Variants in PCDHAC2 observed in about 807,000 individuals in gnomAD.
PCDHAC2 encodes the protein protocadherin alpha-C2.
PCDHAC2 carries 24 observed loss-of-function variants against 63.3 expected under a neutral mutation model. That is an observed-to-expected ratio of 0.38 (90% CI 0.27 to 0.53). The LOEUF is 0.53. Ranked by LOEUF, PCDHAC2 falls within the 20% of genes least tolerant of loss-of-function variation. PCDHAC2 has a pLI of 0.81. For missense variants in PCDHAC2, 1,181 were observed against 1,275.2 expected, an observed-to-expected ratio of 0.93 and a Z score of 1.12; for synonymous variants, 569 against 529.4, an observed-to-expected ratio of 1.07 and a Z score of -1.03.
chr5:140,967,700 G>A lies in PCDHAC2; in HGVS notation c.934G>A (p.Ala312Thr). ...GGAGAGGCAGCTCTTCAGCATAGAT[G>A]CCAGTACCGGGGAAGTGCGAGTAAT... ...DRERQLFSIDASTGEVRVIGG... is the reference protein window; with the variant it reads ...DRERQLFSIDTSTGEVRVIGG... Residue 312 changes from alanine to threonine, a missense_variant, in exon 1 of 4, where the codon GCC becomes ACC. Ala to Thr is a moderately conservative substitution (Grantham distance 58). Around this residue, in one of 3 missense-constraint regions of PCDHAC2, gnomAD observed 968 missense variants for 1,073.5 expected, o/e 0.90. Transcript: ENST00000289269. 4 of 1,614,196 alleles carry A rather than the reference G, an allele frequency of 2.5e-6. No homozygotes were observed. In the South Asian group the frequency reaches 4.4e-5, roughly 18 times the overall value.
At chr5:141,007,977 T>A (rs564286183) in intron 3 of PCDHAC2, among the ~76,000 whole-genome samples, 20 of 152,362 alleles carry the variant, frequency 1.3e-4, no homozygotes, top group African/African-American at 4.8e-4. Flanking sequence ...GTCTGTCATG[T>A]ATATATGAAA....
chr5:140,977,324 C>T (rs1035502087), intron 1 of PCDHAC2, among the ~76,000 whole-genome samples: 5 of 152,102 alleles, frequency 3.3e-5, no homozygotes, highest in Non-Finnish European at 4.4e-5. Context: ...CTCCTGATGG[C>T]GAGGGGAGAG....
At chr5:140,990,341 C>A (rs2097389083) in intron 3 of PCDHAC2, among the ~76,000 whole-genome samples, 1 of 152,110 alleles carries the variant, frequency 6.6e-6, no homozygotes, top group South Asian at 2.1e-4. Flanking sequence ...ATAAGTAAAG[C>A]CTGCCCTGTA....
intron 3 of PCDHAC2, among the ~76,000 whole-genome samples, chr5:140,994,564 G>A (rs1554254259): frequency 6.6e-6 from 1 of 152,070 alleles, no homozygotes; most frequent in Non-Finnish European, 1.5e-5. Flanking sequence ...AATTAGCCGG[G>A]TGTGGTGGCA....
chr5:140,981,924 C>T (rs2096957761), intron 2 of PCDHAC2, among the ~76,000 whole-genome samples: 1 of 151,968 alleles, frequency 6.6e-6, no homozygotes, highest in African/African-American at 2.4e-5. Flanking sequence ...TCAAGTTTCT[C>T]TAGTCTCAGG....
intron 3 of PCDHAC2, among the ~76,000 whole-genome samples, chr5:141,000,387 CTCTCTCTCTATA>C (rs1217065500): frequency 3.9e-4 from 26 of 66,870 alleles, no homozygotes; most frequent in African/African-American, 1.1e-3. Context: ...CTCTCTCTCT[CTCTCTCTCTATA>C]TATATATATA....
intron 1 of PCDHAC2, 111 bp downstream of exon 1, chr5:140,969,442 T>C (rs1554231813): frequency 1.3e-6 from 2 of 1,543,712 alleles, no homozygotes; most frequent in Admixed American, 4.0e-5. Flanking sequence ...AGTTATCTGG[T>C]AAACTGAGTA....
intron 3 of PCDHAC2, among the ~76,000 whole-genome samples, chr5:140,997,851 C>T (rs1400770612): frequency 6.6e-6 from 1 of 152,122 alleles, no homozygotes. Flanking sequence ...CATTCTTATA[C>T]ATATTTCTTA....
chr5:140,972,218 C>A (rs367920234), intron 1 of PCDHAC2, among the ~76,000 whole-genome samples: 129 of 152,040 alleles, frequency 8.5e-4, no homozygotes, highest in Middle Eastern at 3.4e-3. Flanking sequence ...TGGCTCACTG[C>A]AGCCTCGACC....
chr5:140,989,253 G>C (rs886150768), intron 3 of PCDHAC2, among the ~76,000 whole-genome samples: 1 of 152,194 alleles, frequency 6.6e-6, no homozygotes, highest in Non-Finnish European at 1.5e-5. Flanking sequence ...CTTGTCAAAA[G>C]GGAGATTCAA....
intron 1 of PCDHAC2, among the ~76,000 whole-genome samples, chr5:140,977,356 T>C (rs1563455891): frequency 6.6e-6 from 1 of 152,250 alleles, no homozygotes; most frequent in African/African-American, 2.4e-5. Flanking sequence ...GACTGATTGA[T>C]AAAAAGTATT....
chr5:140,994,667 T>G (rs2097644091), intron 3 of PCDHAC2, among the ~76,000 whole-genome samples: 1 of 152,140 alleles, frequency 6.6e-6, no homozygotes, highest in Non-Finnish European at 1.5e-5. Flanking sequence ...ATCACACTAC[T>G]GCACTCCAGC....
In PCDHAC2 at chr5:140,969,007, A is replaced by T; in HGVS notation, c.2241A>T (p.Gly747=). 2 of 1,614,148 alleles carry T rather than the reference A, an allele frequency of 1.2e-6. No homozygotes were observed. Among genetic ancestry groups the T allele is most frequent in the Non-Finnish European group, 1.7e-6 (2 of 1,180,032 alleles). Residue 747 remains glycine, a synonymous_variant, in exon 1 of 4, where the codon GGA becomes GGT. Transcript: ENST00000289269. ...YGTACCGGFC[G]VRERSPAELY... ...CTGCATGCTGTGGAGGCTTCTGTGG[A>T]GTAAGGGAAAGGTCCCCTGCAGAAC...
At position 140,978,971 on chromosome 5, in the gene PCDHAC2, G is replaced by T. The variant is rs782774245; in HGVS notation, c.2588G>T (p.Trp863Leu). Residue 863 changes from tryptophan (W) to leucine (L), a missense_variant, in exon 2 of 4, where the codon TGG becomes TTG. Physicochemically the swap from Trp to Leu is moderately conservative, Grantham distance 61 (BLOSUM62 -2). Coordinates refer to ENST00000289269, the MANE Select transcript of PCDHAC2 (RefSeq NM_018899.6). ...QNEPRQPNPD[W>L]RYSASLRAGM... is the part of the protein sequence containing the mutation. ...CAGCCACGACAGCCCAACCCTGACT[G>T]GCGTTACTCTGCCTCCCTGAGAGCA... The T allele has an allele frequency of 6.2e-7, 1 of 1,614,170 alleles. No individual in the cohort carries two copies. The highest frequency in any genetic ancestry group is 1.1e-5 in the South Asian group (1 of 91,076).
At chr5:140,979,704 T>C (rs1430662594) in intron 2 of PCDHAC2, among the ~76,000 whole-genome samples, 1 of 152,246 alleles carries the variant, frequency 6.6e-6, no homozygotes, top group Non-Finnish European at 1.5e-5. Context: ...TTTCTGGAGG[T>C]GATCCAGTAT....
chr5:140,985,139 G>A (rs782548607), intron 3 of PCDHAC2, among the ~76,000 whole-genome samples: 6 of 152,126 alleles, frequency 3.9e-5, no homozygotes, highest in South Asian at 2.1e-4. Flanking sequence ...GGGTTTCACC[G>A]TGTTAGCCAG....
intron 1 of PCDHAC2, among the ~76,000 whole-genome samples, chr5:140,975,937 A>C (rs2096690423): frequency 1.3e-5 from 2 of 152,194 alleles, no homozygotes; most frequent in South Asian, 2.1e-4. Context: ...CTTTGAAGCA[A>C]TAGGACATAT....
chr5:140,966,974 C>A lies in PCDHAC2; in HGVS notation c.208C>A (p.Arg70=). Residue 70 remains arginine, a synonymous_variant, in exon 1 of 4, where the codon CGG becomes AGG. Coordinates refer to ENST00000289269, the MANE Select transcript of PCDHAC2 (RefSeq NM_018899.6). The part of the protein sequence containing the change: ...NVARALGLEL[R]RLGPGCLRIN... Reference sequence around the variant, plus strand: ...GGCTCGCGCGCTGGGGCTTGAGCTGCGGCGCTTGGGGCCGGGTTGCTTGCG... The same window carrying A: ...GGCTCGCGCGCTGGGGCTTGAGCTGAGGCGCTTGGGGCCGGGTTGCTTGCG... 6.2e-7 allele frequency: 1 copy of A among 1,602,874 alleles called. No homozygotes were observed. Among genetic ancestry groups the A allele is most frequent in the Non-Finnish European group, 8.5e-7 (1 of 1,177,870 alleles).
intron 3 of PCDHAC2, among the ~76,000 whole-genome samples, chr5:141,004,872 C>T (rs1242067093): frequency 6.6e-6 from 1 of 152,042 alleles, no homozygotes; most frequent in Non-Finnish European, 1.5e-5. Context: ...GTTTCTCATC[C>T]CTAAAGTGCT....
Sources: gnomAD v4.1 joint callset for allele counts (sites outside exome capture counted in the v4.1 genomes callset) on GRCh38, gnomAD v4.1.1 for gene constraint, gnomAD v4.1.1 regional missense constraint, MANE v1.5 for transcripts, NCBI Gene and HGNC (gene_info 2026-07-23, HGNC 2026-07-21) for gene names.